The following COL17A1 variants were observed in gnomAD, a reference collection of about 807,000 sequenced individuals.
COL17A1 encodes the protein collagen alpha-1(XVII) chain.
COL17A1 carries 181 observed loss-of-function variants against 218.4 expected under a neutral mutation model. That is an observed-to-expected ratio of 0.83 (90% confidence interval 0.73 to 0.94). The LOEUF (loss-of-function observed/expected upper bound fraction) is 0.94, where lower values mean the gene tolerates loss of function less well. Among genes scored for constraint, COL17A1 ranks in the 40% least tolerant of loss-of-function variants. The probability of loss-of-function intolerance (pLI) is 0.00; values close to 1 mark genes in which losing one functional copy is unlikely to be tolerated. For synonymous variants in COL17A1, 721 were observed against 731.0 expected (o/e 0.99, Z 0.22); for missense variants, 1,924 against 1,945.9 (o/e 0.99, Z 0.21).
chr10:104,033,074 A>T, intron 53 of COL17A1, 106 bp from the exon 54 acceptor site: 1 of 1,525,328 alleles, frequency 6.6e-7, no homozygotes, highest in Non-Finnish European at 8.9e-7. Context: ...TGGAGTTTGG[A>T]CGTGTAAGAG....
At chr10:104,072,235 T>C (rs1399085953) in intron 7 of COL17A1, among the ~76,000 whole-genome samples, 156 bp from the exon 8 acceptor site, 1 of 152,090 alleles carries the variant, frequency 6.6e-6, no homozygotes, top group Admixed American at 6.5e-5. Flanking sequence ...AGAGTGCTGC[T>C]TAAAAAGGGA....
intron 48 of COL17A1, 37 bp downstream of exon 48, chr10:104,036,455 C>T (rs775016312): frequency 1.6e-5 from 26 of 1,613,424 alleles, no homozygotes; most frequent in Non-Finnish European, 2.2e-5. Flanking sequence ...CCAGTCATCC[C>T]AGGCCCTTCC....
intron 11 of COL17A1, among the ~76,000 whole-genome samples, chr10:104,063,305 A>T (rs938046677): frequency 2.0e-5 from 3 of 152,250 alleles, no homozygotes; most frequent in Admixed American, 2.0e-4. Context: ...ATAAGCAGTA[A>T]CATTATTTAC....
chr10:104,052,298 G>A, intron 23 of COL17A1, 81 bp from the exon 24 acceptor site: 1 of 1,576,082 alleles, frequency 6.3e-7, no homozygotes, highest in Non-Finnish European at 8.7e-7. Context: ...CATTTGGAGG[G>A]GATGCTTCCC....
At chr10:104,054,164 T>G (rs2086497019) in intron 20 of COL17A1, 46 bp from the exon 21 acceptor site, 1 of 1,584,066 alleles carries the variant, frequency 6.3e-7, no homozygotes, top group Non-Finnish European at 8.6e-7. Context: ...CAGAAGACTG[T>G]GCCCAATTCC....
chr10:104,079,888 C>T (rs1454144954), intron 2 of COL17A1, among the ~76,000 whole-genome samples: 1 of 147,620 alleles, frequency 6.8e-6, no homozygotes, highest in Non-Finnish European at 1.5e-5. Flanking sequence ...GATTACGCCA[C>T]TGCACTCCAG....
Position 104,035,207 on chromosome 10 carries a change from C to T in COL17A1, c.3619+56G>A, listed in dbSNP as rs2086263574. 1.0e-5 allele frequency: 15 copies of T among 1,445,020 alleles called. No homozygotes were observed. The South Asian group carries it at 1.7e-4, about 16-fold the overall frequency. The allele number at this position is 1,445,020 out of a possible 1,614,324, so 89.5% of individuals were successfully genotyped here. The stretch of plus-strand genomic sequence containing the variant: ...CTGCCCTTGCTAAAGCCCATGGGAG[C>T]CCCCAAGGCCCGGCTGCATCCCCTG... On this transcript the variant is annotated intron_variant, in intron 50 of 55. Coordinates refer to ENST00000648076, the MANE Select transcript of COL17A1 (RefSeq NM_000494.4).
chr10:104,071,923 C>CA, intron 8 of COL17A1, 109 bp downstream of exon 8: 1 of 1,514,284 alleles, frequency 6.6e-7, no homozygotes, highest in South Asian at 1.1e-5. Context: ...CATGTACATA[C>CA]ATGTGTGTGC....
rs2086565876 is a variant in COL17A1, at chr10:104,059,818, G to A, written c.1142-100C>T. On this transcript the variant is annotated intron_variant, in intron 14 of 55. Coordinates refer to ENST00000648076, the MANE Select transcript of COL17A1 (RefSeq NM_000494.4). ...CTTGCCCACTACCCTGCTTGGGAAGGTCTAGGTTAGACTGGTAAGAAGAGC... is the reference window on the plus strand; with the variant it reads ...CTTGCCCACTACCCTGCTTGGGAAGATCTAGGTTAGACTGGTAAGAAGAGC... The A allele has an allele frequency of 2.0e-5, 25 of 1,261,844 alleles. 1 individual carries two copies. In the South Asian group the frequency reaches 3.0e-4, roughly 15 times the overall value. The allele number at this position is 1,261,844 out of a possible 1,614,324, so 78.2% of individuals were successfully genotyped here. A position where few individuals can be genotyped will look rare whatever the true frequency, so the allele number is the denominator to read the frequency against.
chr10:104,050,822 T>TC (rs1202531066), intron 26 of COL17A1, 26 bp downstream of exon 26: 7 of 1,613,590 alleles, frequency 4.3e-6, no homozygotes, highest in Non-Finnish European at 5.9e-6. Flanking sequence ...ACCCTCACTG[T>TC]CCCCCCAGGC....
Position 104,051,521 on chromosome 10 carries a change from G to A in COL17A1, c.2003-5C>T, listed in dbSNP as rs377172099. ...GGCCAGGAGAGCCGCTGGAACCTGA[G>A]AAGGAGGACAAGACAGCAATCAGCA... is the stretch of plus-strand genomic sequence containing the variant. On this transcript the variant is annotated splice_region_variant and splice_polypyrimidine_tract_variant and intron_variant, in intron 24 of 55. Coordinates refer to ENST00000648076, the MANE Select transcript of COL17A1 (RefSeq NM_000494.4). 12 of 1,614,058 alleles carry A rather than the reference G, an allele frequency of 7.4e-6. No individual in the cohort carries two copies. Among genetic ancestry groups the A allele is most frequent in the African/African-American group, 1.3e-5 (1 of 75,074 alleles).
At chr10:104,052,984 G>T (rs749916729) in intron 23 of COL17A1, 47 bp downstream of exon 23, 5 of 1,600,822 alleles carry the variant, frequency 3.1e-6, no homozygotes, top group Admixed American at 1.7e-5. Context: ...CAGAGAGAAG[G>T]AAGCACAGGC....
rs114420517 is a variant in COL17A1 at position 104,059,598 on chromosome 10, G to A, written c.1222+40C>T. 2,702 of 1,572,934 alleles carry A rather than the reference G, an allele frequency of 1.7e-3. 41 individuals carry two copies. In the African/African-American group the frequency reaches 0.034, roughly 20 times the overall value. On this transcript the variant is annotated intron_variant, in intron 15 of 55. Transcript: ENST00000648076. ...AAGACAATGAAATGAAATGTGGCCT[G>A]GCTGAAGTCAAGGTGGACAACAATC...
intron 10 of COL17A1, 130 bp from the exon 11 acceptor site, chr10:104,063,948 T>C: frequency 1.5e-6 from 2 of 1,341,920 alleles, no homozygotes; most frequent in South Asian, 1.3e-5. Context: ...TTTTTGTTTT[T>C]AGGAAAAACA....
rs2086325564 is a variant in COL17A1, at chr10:104,038,504, A to G, written c.2972T>C (p.Val991Ala). The change falls in exon 45 of 56, where the codon GTG becomes GCG. Residue 991 changes from valine (V) to alanine (A), a missense_variant. Transcript: ENST00000648076. ...SEGGSSSTMYVSGPPGPPGPP... is the reference protein window; with the variant it reads ...SEGGSSSTMYASGPPGPPGPP... The stretch of plus-strand genomic sequence containing the variant: ...CCCAGGGGGCCCTGGCGGGCCTGAC[A>G]CGTACATGGTACTTGATGATCCCCC... The G allele has an allele frequency of 6.2e-7, 1 of 1,613,482 alleles. No individual in the cohort carries two copies. The highest frequency in any genetic ancestry group is 8.5e-7 in the Non-Finnish European group (1 of 1,179,972).
intron 34 of COL17A1, 115 bp downstream of exon 34, chr10:104,043,710 C>A: frequency 6.6e-7 from 1 of 1,517,704 alleles, no homozygotes; most frequent in East Asian, 2.3e-5. Flanking sequence ...CCCTCCTCCC[C>A]CGCTACTGAT....
At chr10:104,039,683 T>G in intron 41 of COL17A1, 43 bp from the exon 42 acceptor site, 4 of 1,613,804 alleles carry the variant, frequency 2.5e-6, no homozygotes, top group Non-Finnish European at 3.4e-6. Flanking sequence ...CTCACTTTTC[T>G]CACCCACTAA....
chr10:104,065,613 A>C (rs2086619935), intron 9 of COL17A1, among the ~76,000 whole-genome samples: 1 of 152,238 alleles, frequency 6.6e-6, no homozygotes, highest in Non-Finnish European at 1.5e-5. Flanking sequence ...TGAATACACG[A>C]AAACTCTACA....
rs778259626 is a variant in COL17A1, at chr10:104,058,178, G to A, written c.1235C>T (p.Thr412Ile). Residue 412 changes from threonine to isoleucine, a missense_variant, in exon 16 of 56, where the codon ACT becomes ATT. Thr to Ile is a moderately conservative substitution (Grantham distance 89). Transcript: ENST00000648076. ...LKAEANGDLKTVSTKGKTTTA... is the reference protein window; with the variant it reads ...LKAEANGDLKIVSTKGKTTTA... ...GGTGGTCTTGCCCTTTGTGGACACA[G>A]TCTTCAGGTCTCCTGAAAGGACAAA... 4 of 1,614,230 alleles carry A rather than the reference G, an allele frequency of 2.5e-6. No homozygotes were observed. The highest frequency in any genetic ancestry group is 3.4e-6 in the Non-Finnish European group (4 of 1,180,040).
Sources: gnomAD v4.1 joint callset for allele counts (sites outside exome capture counted in the v4.1 genomes callset) on GRCh38, gnomAD v4.1.1 for gene constraint, MANE v1.5 for transcripts, NCBI Gene and HGNC (gene_info 2026-07-23, HGNC 2026-07-21) for gene names.